The following TNR variants were observed in gnomAD, a reference collection of about 807,000 sequenced individuals.
TNR encodes the protein tenascin-R.
In TNR, 45 loss-of-function variants were observed where a neutral mutation model predicts 150.4. That is an observed-to-expected ratio of 0.30 (90% CI 0.24 to 0.38). TNR has a LOEUF of 0.38. Among genes scored for constraint, TNR ranks in the 10% least tolerant of loss-of-function variants. TNR has a pLI of 1.00. For synonymous variants in TNR, 687 were observed against 678.4 expected (o/e 1.01, Z -0.20); for missense variants, 1,544 against 1,759.1 (o/e 0.88, Z 2.19).
intron 14 of TNR, among the ~76,000 whole-genome samples, chr1:175,361,282 G>C (rs1486174719): frequency 1.3e-5 from 2 of 152,140 alleles, no homozygotes; most frequent in East Asian, 3.9e-4. Flanking sequence ...GGGATAGGAG[G>C]CTCTTGAAAT....
At chr1:175,515,873 G>A (rs117196019) in intron 2 of TNR, among the ~76,000 whole-genome samples, 1 of 152,302 alleles carries the variant, frequency 6.6e-6, no homozygotes, top group East Asian at 1.9e-4. Flanking sequence ...TCTAAATTGG[G>A]ATGAGGGCTT....
At chr1:175,566,700 C>A (rs1451555645) in intron 1 of TNR, among the ~76,000 whole-genome samples, 1 of 152,208 alleles carries the variant, frequency 6.6e-6, no homozygotes, top group Non-Finnish European at 1.5e-5. Context: ...TCATGGATGG[C>A]CAGGCAGCTG....
intron 2 of TNR, among the ~76,000 whole-genome samples, chr1:175,425,937 A>G (rs890843345): frequency 3.9e-5 from 6 of 152,166 alleles, no homozygotes; most frequent in Non-Finnish European, 2.9e-5. Flanking sequence ...GGATAAGGCC[A>G]GGATTACAGA....
chr1:175,645,330 A>G (rs979692929), intron 1 of TNR, among the ~76,000 whole-genome samples: 2 of 152,224 alleles, frequency 1.3e-5, no homozygotes, highest in African/African-American at 4.8e-5. Context: ...TTAGGGATAT[A>G]TAGTTGATGC....
intron 5 of TNR, among the ~76,000 whole-genome samples, chr1:175,395,179 G>T (rs923519905): frequency 6.6e-6 from 1 of 152,116 alleles, no homozygotes; most frequent in Non-Finnish European, 1.5e-5. Context: ...AAAGCAAGGG[G>T]ACAAGATGAC....
intron 2 of TNR, among the ~76,000 whole-genome samples, chr1:175,484,627 C>T (rs1657934729): frequency 1.3e-5 from 2 of 152,086 alleles, no homozygotes; most frequent in Admixed American, 1.3e-4. Flanking sequence ...TTCTACTAAC[C>T]TAATTTCATG....
At chr1:175,481,528 A>G in intron 2 of TNR, among the ~76,000 whole-genome samples, 1 of 152,136 alleles carries the variant, frequency 6.6e-6, no homozygotes, top group East Asian at 1.9e-4. Flanking sequence ...ACACTTTCCC[A>G]GCCCGTGGAT....
chr1:175,628,732 T>G (rs1203542209), intron 1 of TNR, among the ~76,000 whole-genome samples: 1 of 152,006 alleles, frequency 6.6e-6, no homozygotes, highest in Non-Finnish European at 1.5e-5. Context: ...GGGGACAAAC[T>G]TCCTCTACAG....
intron 2 of TNR, among the ~76,000 whole-genome samples, chr1:175,511,791 G>T (rs1164051402): frequency 2.0e-5 from 3 of 152,192 alleles, no homozygotes; most frequent in Non-Finnish European, 4.4e-5. Context: ...CTGACCCGTA[G>T]TGAGGTGATC....
chr1:175,503,271 G>A (rs1326930500), intron 2 of TNR, among the ~76,000 whole-genome samples: 1 of 152,222 alleles, frequency 6.6e-6, no homozygotes. Flanking sequence ...CCCAACCAAG[G>A]ACAGGGCTTA....
At chr1:175,627,076 A>G (rs1210225991) in intron 1 of TNR, among the ~76,000 whole-genome samples, 3 of 152,248 alleles carry the variant, frequency 2.0e-5, no homozygotes, top group Non-Finnish European at 4.4e-5. Context: ...AACTCTGAGA[A>G]CATAAAATTG....
At position 175,691,258 on chromosome 1, in the gene TNR, T is replaced by C. The variant is rs1216333887; in HGVS notation, c.-165+51968A>G. Among the ~76,000 whole-genome samples the C allele has an allele frequency of 2.6e-5, 4 of 151,060 alleles. No individual in the cohort carries two copies. The East Asian group carries it at 7.8e-4, about 29-fold the overall frequency. ...GGAAGAAAACCTAGAGAAAGTGATGTCAAGGAAGTTGAGAGATCAACGGTT... is the reference window on the plus strand; with the variant it reads ...GGAAGAAAACCTAGAGAAAGTGATGCCAAGGAAGTTGAGAGATCAACGGTT... On this transcript the variant is annotated intron_variant, in intron 1 of 22. Coordinates refer to ENST00000367674, the MANE Select transcript of TNR (RefSeq NM_003285.3).
chr1:175,703,714 CA>C (rs1428383797), intron 1 of TNR, among the ~76,000 whole-genome samples: 7 of 152,208 alleles, frequency 4.6e-5, no homozygotes, highest in Admixed American at 1.3e-4. Context: ...GACCAATAAA[CA>C]TATGAAAAGA....
chr1:175,713,342 C>T (rs752368038), intron 1 of TNR, among the ~76,000 whole-genome samples: 2 of 152,204 alleles, frequency 1.3e-5, no homozygotes, highest in East Asian at 1.9e-4. Flanking sequence ...AACACTCTTG[C>T]CCCTATCCTT....
chr1:175,673,805 T>C (rs1415588060), intron 1 of TNR, among the ~76,000 whole-genome samples: 4 of 152,220 alleles, frequency 2.6e-5, no homozygotes, highest in African/African-American at 9.6e-5. Flanking sequence ...ATGCCAATCA[T>C]AATAAAAAGC....
chr1:175,486,232 A>T (rs1282616837), intron 2 of TNR, among the ~76,000 whole-genome samples: 2 of 151,846 alleles, frequency 1.3e-5, no homozygotes, highest in African/African-American at 4.8e-5. Context: ...CCATCAACCC[A>T]TCATCTAAAT....
At chr1:175,612,925 C>T (rs1663643063) in intron 1 of TNR, among the ~76,000 whole-genome samples, 1 of 152,118 alleles carries the variant, frequency 6.6e-6, no homozygotes, top group Admixed American at 6.6e-5. Flanking sequence ...GAACACAGCC[C>T]CCCTTTCCCT....
chr1:175,331,465 G>T (rs11800824), intron 20 of TNR, among the ~76,000 whole-genome samples: 4 of 151,816 alleles, frequency 2.6e-5, no homozygotes, highest in African/African-American at 9.7e-5. Context: ...GGGTTTCACC[G>T]TGTTAGCCAG....
At chr1:175,521,139 G>T (rs931405871) in intron 2 of TNR, among the ~76,000 whole-genome samples, 1 of 152,140 alleles carries the variant, frequency 6.6e-6, no homozygotes, top group Non-Finnish European at 1.5e-5. Context: ...AGATTCCACT[G>T]TGCCAATCAA....
Sources: allele counts gnomAD v4.1 joint callset (sites outside exome capture counted in the v4.1 genomes callset), GRCh38; gene constraint gnomAD v4.1.1; transcripts MANE v1.5; gene names NCBI Gene and HGNC (gene_info 2026-07-23, HGNC 2026-07-21).